Variants in CDH4 observed in about 807,000 individuals in gnomAD.
The protein encoded by CDH4 is cadherin 4, also known as cadherin-4.
In CDH4, 33 loss-of-function variants were observed where a neutral mutation model predicts 86.0. The observed-to-expected ratio is 0.38, with a 90% CI of 0.29 to 0.51. The LOEUF is 0.51. Ranked by LOEUF, CDH4 falls within the 20% of genes least tolerant of loss-of-function variation. The pLI is 0.86. For missense variants in CDH4, 1,114 were observed against 1,307.4 expected (o/e 0.85, Z 2.28); for synonymous variants, 555 against 549.4 (o/e 1.01, Z -0.14).
At chr20:61,864,114 A>AG (rs1322928429) in intron 6 of CDH4, among the ~76,000 whole-genome samples, 7 of 152,264 alleles carry the variant, frequency 4.6e-5, no homozygotes, top group African/African-American at 1.7e-4. Flanking sequence ...GACACAGGGC[A>AG]GGGCCTAAGA....
chr20:61,326,879 G>T (rs2084539796), intron 2 of CDH4, among the ~76,000 whole-genome samples: 1 of 152,294 alleles, frequency 6.6e-6, no homozygotes, highest in South Asian at 2.1e-4. Flanking sequence ...CTCAGACTCA[G>T]CAAGAGCCAG....
chr20:61,555,070 T>C (rs1307154474), intron 2 of CDH4, among the ~76,000 whole-genome samples: 2 of 152,204 alleles, frequency 1.3e-5, no homozygotes, highest in Non-Finnish European at 2.9e-5. Flanking sequence ...CTGTATATGA[T>C]GTCTGCCCAT....
intron 6 of CDH4, among the ~76,000 whole-genome samples, chr20:61,867,875 C>T (rs1298115709): frequency 6.6e-6 from 1 of 152,246 alleles, no homozygotes; most frequent in African/African-American, 2.4e-5. Context: ...CGCGATGCAT[C>T]TGCCAAGGTG....
intron 8 of CDH4, among the ~76,000 whole-genome samples, chr20:61,904,148 C>T (rs1288866934): frequency 6.6e-6 from 1 of 152,172 alleles, no homozygotes; most frequent in Non-Finnish European, 1.5e-5. Flanking sequence ...CCACCCACAC[C>T]GAGCTGGCGG....
chr20:61,345,017 T>TCCAA (rs1042581582), intron 2 of CDH4, among the ~76,000 whole-genome samples: 1 of 152,184 alleles, frequency 6.6e-6, no homozygotes, highest in Non-Finnish European at 1.5e-5. Flanking sequence ...AAAGGTCAAG[T>TCCAA]CCAAGGTAGA....
chr20:61,924,299 A>AC, intron 10 of CDH4, 35 bp from the exon 11 acceptor site: 1 of 597,888 alleles, frequency 1.7e-6, no homozygotes. Context: ...GCCCACCCCC[A>AC]GCCTTACCTC....
At chr20:61,627,194 T>G (rs2086837409) in intron 2 of CDH4, among the ~76,000 whole-genome samples, 4 of 152,106 alleles carry the variant, frequency 2.6e-5, no homozygotes, top group Admixed American at 2.6e-4. Context: ...CAGGGGTGTG[T>G]CCTCTGGGGA....
rs2085154924 is a variant in CDH4, at chr20:61,417,758, C to T, written c.169+162821C>T. ...CGGGAAGTGGGCACAGGAGCCTTGA[C>T]CTGACAAGGTCCTCGAGGCCAGGCG... On this transcript the variant is annotated intron_variant, in intron 2 of 15. Transcript: ENST00000614565. This position sits in a 1 kb window ranked among gnomAD's most constrained non-coding sequence, Gnocchi z 4.0. Among the ~76,000 whole-genome samples, 1 of 152,140 alleles carries T rather than the reference C, an allele frequency of 6.6e-6. No homozygotes were observed. Among genetic ancestry groups the T allele is most frequent in the Admixed American group, 6.5e-5 (1 of 15,274 alleles).
intron 2 of CDH4, among the ~76,000 whole-genome samples, chr20:61,470,840 A>G (rs1439407062): frequency 6.6e-6 from 1 of 152,138 alleles, no homozygotes; most frequent in Non-Finnish European, 1.5e-5. Context: ...TATCAGATTG[A>G]TTGATTCATG....
intron 2 of CDH4, among the ~76,000 whole-genome samples, chr20:61,434,408 C>T (rs1261601345): frequency 3.3e-5 from 5 of 152,274 alleles, no homozygotes; most frequent in East Asian, 1.9e-4. Flanking sequence ...AAGGGATGAA[C>T]GTGGGTGATT....
chr20:61,385,457 C>A (rs547498696), intron 2 of CDH4, among the ~76,000 whole-genome samples: 1 of 140,480 alleles, frequency 7.1e-6, no homozygotes, highest in African/African-American at 2.8e-5. Flanking sequence ...TCCCCGCCGC[C>A]CCCCGCCCCC....
In CDH4 at chr20:61,711,144, A is replaced by G. The variant is rs532289046; in HGVS notation, c.170-32419A>G. ...GATAGTGAATGAGTTCTCAACCATG[A>G]TATTGAGTGCGTTCTCATGAAACCT... On this transcript the variant is annotated intron_variant, in intron 2 of 15. Transcript: ENST00000614565. Among the ~76,000 whole-genome samples, 252 of 152,242 alleles carry G rather than the reference A, an allele frequency of 1.7e-3. 2 individuals are homozygous for G. Among genetic ancestry groups the G allele is most frequent in the African/African-American group, 5.9e-3 (245 of 41,542 alleles).
intron 2 of CDH4, among the ~76,000 whole-genome samples, chr20:61,500,575 A>ATG (rs2085693739): frequency 1.3e-5 from 2 of 152,206 alleles, no homozygotes; most frequent in South Asian, 4.1e-4. Context: ...AAGGAAGGGA[A>ATG]TGTCTGCATT....
chr20:61,349,161 G>A (rs983000256), intron 2 of CDH4, among the ~76,000 whole-genome samples: 2 of 152,208 alleles, frequency 1.3e-5, no homozygotes, highest in Non-Finnish European at 2.9e-5. Flanking sequence ...CACTTCTCAG[G>A]AACCGGCCTG....
chr20:61,565,184 G>C (rs1157562713), intron 2 of CDH4, among the ~76,000 whole-genome samples: 9 of 82,618 alleles, frequency 1.1e-4, no homozygotes, highest in Admixed American at 1.2e-4. Flanking sequence ...GGTGGTGGTG[G>C]TGGTCCTCTT....
chr20:61,922,118 T>C (rs1336501239), intron 9 of CDH4, among the ~76,000 whole-genome samples: 1 of 152,204 alleles, frequency 6.6e-6, no homozygotes, highest in Non-Finnish European at 1.5e-5. Context: ...TGCTGATGGA[T>C]GTTTGGGTCA....
intron 2 of CDH4, among the ~76,000 whole-genome samples, chr20:61,626,953 G>A (rs2086834872): frequency 1.3e-5 from 2 of 152,120 alleles, no homozygotes; most frequent in African/African-American, 2.4e-5. Context: ...ATCCTCTTCC[G>A]AATCCTGTAG....
chr20:61,645,242 AAG>A (rs1293483135), intron 2 of CDH4, among the ~76,000 whole-genome samples: 1 of 152,186 alleles, frequency 6.6e-6, no homozygotes, highest in African/African-American at 2.4e-5. Context: ...AGAGACAGCC[AAG>A]TCTAGAATTC....
chr20:61,653,214 GT>G lies in CDH4; in HGVS notation c.170-90348del, dbSNP rs1029714591. On this transcript the variant is annotated intron_variant, in intron 2 of 15. Coordinates refer to ENST00000614565, the MANE Select transcript of CDH4 (RefSeq NM_001794.5). Reference sequence around the variant, plus strand: ...CCGCCCTTAATCCATTTAACCCTGAGTGGACGCAGCACATGTTTCAGAGAGC... The same window carrying G: ...CCGCCCTTAATCCATTTAACCCTGAGGGACGCAGCACATGTTTCAGAGAGC... Among the ~76,000 whole-genome samples the G allele has an allele frequency of 1.1e-4, 14 of 131,006 alleles. 1 individual carries two copies. The highest frequency in any genetic ancestry group is 3.7e-4 in the African/African-American group (14 of 37,460). The allele number at this position is 131,006 out of a possible 152,430, so 85.9% of individuals were successfully genotyped here.
Sources: gnomAD v4.1 joint callset for allele counts (sites outside exome capture counted in the v4.1 genomes callset) on GRCh38, gnomAD v4.1.1 for gene constraint, Gnocchi (gnomAD v3.1) non-coding constraint, MANE v1.5 for transcripts, NCBI Gene and HGNC (gene_info 2026-07-23, HGNC 2026-07-21) for gene names.